CUBN: variants seen among roughly 807,000 people sequenced by gnomAD.
CUBN encodes cubilin.
In CUBN, 282 loss-of-function variants were observed where a neutral mutation model predicts 405.3. That is an observed-to-expected ratio of 0.70 (90% CI 0.63 to 0.77). The LOEUF (loss-of-function observed/expected upper bound fraction) is 0.77, where lower values mean the gene tolerates loss of function less well. CUBN is among the 30% of genes least tolerant of loss of function. The pLI is 0.00. For synonymous variants in CUBN, 1,684 were observed against 1,617.0 expected, an observed-to-expected ratio of 1.04 and a Z score of -0.99; for missense variants, 4,514 against 4,475.2, an observed-to-expected ratio of 1.01 and a Z score of -0.25.
At chr10:17,061,870 T>C (rs1835511838) in intron 22 of CUBN, among the ~76,000 whole-genome samples, 1 of 152,198 alleles carries the variant, frequency 6.6e-6, no homozygotes, top group Admixed American at 6.5e-5. Flanking sequence ...AACCTAGACA[T>C]GGCAAAAGCA....
intron 56 of CUBN, among the ~76,000 whole-genome samples, chr10:16,878,105 C>T (rs375719478): frequency 4.6e-5 from 7 of 152,134 alleles, no homozygotes; most frequent in East Asian, 1.9e-4. Context: ...CTGGGCAACA[C>T]GGCAAAACCC....
intron 51 of CUBN, among the ~76,000 whole-genome samples, chr10:16,901,907 A>ACACACACCATATATAG (rs1207924602): frequency 5.8e-5 from 8 of 138,848 alleles, no homozygotes; most frequent in Non-Finnish European, 9.1e-5. Context: ...ATATATATAT[A>ACACACACCATATATAG]TATATATATA....
rs976521855 is a variant in CUBN, at chr10:16,904,077, G to A, written c.7951C>T (p.Pro2651Ser). ...ACCAATGGCAATGTAGGCTTTGAAGGACCACAAAGTCTCCACATCAGGGGC... is the reference window on the plus strand; with the variant it reads ...ACCAATGGCAATGTAGGCTTTGAAGAACCACAAAGTCTCCACATCAGGGGC... ...DGPLMWRLCGPSKPTLPLVIP... is the reference protein window; with the variant it reads ...DGPLMWRLCGSSKPTLPLVIP... Residue 2651 changes from proline to serine, a missense_variant, in exon 51 of 67, where the codon CCT becomes TCT. By Grantham distance (74) the Pro-to-Ser change is moderately conservative. This residue lies in a region of CUBN where 25 missense variants were observed against 48.5 expected (regional missense o/e 0.52). Transcript: ENST00000377833. The A allele has an allele frequency of 1.3e-5, 21 of 1,613,552 alleles. No homozygotes were observed. Among genetic ancestry groups the A allele is most frequent in the Non-Finnish European group, 1.8e-5 (21 of 1,179,572 alleles).
chr10:16,880,252 A>G (rs1300315068), intron 56 of CUBN, among the ~76,000 whole-genome samples: 1 of 152,078 alleles, frequency 6.6e-6, no homozygotes, highest in Non-Finnish European at 1.5e-5. Flanking sequence ...TGTTTATACA[A>G]CCCCACCATC....
rs147789175 is a variant in CUBN, at chr10:16,883,815, G to C, written c.8905+4602C>G. Among the ~76,000 whole-genome samples the C allele has an allele frequency of 4.4e-3, 664 of 152,236 alleles. 4 individuals are homozygous for C. Among genetic ancestry groups the C allele is most frequent in the Non-Finnish European group, 6.8e-3 (462 of 68,024 alleles). On this transcript the variant is annotated intron_variant, in intron 56 of 66. Transcript: ENST00000377833. ...GGTGTTTCCACCTCACGAGCTAAGC[G>C]CTGCTGCACCCTCCAATGCTTGTCA...
chr10:16,835,266 C>G (rs1588570670), intron 63 of CUBN, 71 bp from the exon 64 acceptor site: 1 of 1,283,714 alleles, frequency 7.8e-7, no homozygotes, highest in East Asian at 2.3e-5. Flanking sequence ...TCACAGGAAT[C>G]ATTCAAAAAG....
chr10:17,047,406 G>A lies in CUBN; in HGVS notation c.3329+8C>T. On this transcript the variant is annotated splice_region_variant and intron_variant, in intron 23 of 66. Transcript: ENST00000377833. Reference sequence around the variant, plus strand: ...AAAGATTATAATGAAATAAATAAAAGTGCTGACCTGATTTCCAGAAAATCT... The same window carrying A: ...AAAGATTATAATGAAATAAATAAAAATGCTGACCTGATTTCCAGAAAATCT... The A allele has an allele frequency of 6.3e-7, 1 of 1,590,272 alleles. No individual in the cohort carries two copies. The highest frequency in any genetic ancestry group is 8.6e-7 in the Non-Finnish European group (1 of 1,158,822).
At position 16,938,980 on chromosome 10, in the gene CUBN, A is replaced by G. The variant is rs186721969; in HGVS notation, c.5716T>C (p.Tyr1906His). 4 of 1,613,562 alleles carry G rather than the reference A, an allele frequency of 2.5e-6. No homozygotes were observed. The Admixed American group carries it at 5.0e-5, about 20-fold the overall frequency. Residue 1906 changes from tyrosine (Y) to histidine (H), a missense_variant, in exon 38 of 67, where the codon TAT becomes CAT. Coordinates refer to ENST00000377833, the MANE Select transcript of CUBN (RefSeq NM_001081.4). The stretch of plus-strand genomic sequence containing the variant: ...AAACTCACCCTTAATTTGTCATAAT[A>G]GCAGTTTTGTATTTCTTCTATGTCC... ...EMDIEEIQNCYYDKLRIYDGP... is the reference protein window; with the variant it reads ...EMDIEEIQNCHYDKLRIYDGP...
intron 31 of CUBN, among the ~76,000 whole-genome samples, chr10:16,972,766 C>G (rs926274902): frequency 6.6e-6 from 1 of 152,026 alleles, no homozygotes; most frequent in Non-Finnish European, 1.5e-5. Flanking sequence ...CCCCCACCAT[C>G]TCTATCACCA....
chr10:16,872,549 AT>A (rs960595825), intron 58 of CUBN, among the ~76,000 whole-genome samples: 2 of 152,130 alleles, frequency 1.3e-5, no homozygotes. Flanking sequence ...TTAGTGTTTT[AT>A]AAGAGGCCCT....
rs1473478311 is a variant in CUBN, at chr10:16,954,531, G to A, written c.4713C>T (p.Ser1571=). ...DSCIMAYDGL[S]STMSRLARTC... ...TCCTGGCAAGGCGGGACATTGTGGA[G>A]CTTAAGCCATCGTATGCCTACAAGA... Residue 1571 remains serine (S), a synonymous_variant, in exon 32 of 67, where the codon AGC becomes AGT. Transcript: ENST00000377833. 2 of 1,613,762 alleles carry A rather than the reference G, an allele frequency of 1.2e-6. No individual in the cohort carries two copies. Among genetic ancestry groups the A allele is most frequent in the East Asian group, 4.5e-5 (2 of 44,874 alleles).
chr10:16,890,454 A>G lies in CUBN; in HGVS notation c.8672T>C (p.Val2891Ala). 1 of 1,614,122 alleles carries G rather than the reference A, an allele frequency of 6.2e-7. No homozygotes were observed. The highest frequency in any genetic ancestry group is 8.5e-7 in the Non-Finnish European group (1 of 1,180,042). The change falls in exon 55 of 67, where the codon GTT becomes GCT. Residue 2891 changes from valine to alanine, a missense_variant. By Grantham distance (64) the Val-to-Ala change is moderately conservative. Transcript: ENST00000377833. ...TGCGNVAPGP[V>A]ITPSNTFTAV... Reference sequence around the variant, plus strand: ...AGTGAATGTGTTACTTGGTGTGATAACGGGACCCGGAGCCACGTTCCCACA... The same window carrying G: ...AGTGAATGTGTTACTTGGTGTGATAGCGGGACCCGGAGCCACGTTCCCACA...
intron 36 of CUBN, among the ~76,000 whole-genome samples, chr10:16,941,828 G>A (rs1230112631): frequency 6.6e-6 from 1 of 152,082 alleles, no homozygotes; most frequent in Admixed American, 6.6e-5. Flanking sequence ...GCAACAGAGT[G>A]AGACTCTGTC....
At chr10:17,072,076 T>C in intron 17 of CUBN, 105 bp from the exon 18 acceptor site, 3 of 863,556 alleles carry the variant, frequency 3.5e-6, no homozygotes, top group Non-Finnish European at 5.6e-6. Flanking sequence ...AAATGAATGA[T>C]AATCCAATTT....
At chr10:16,943,108 C>T (rs142454828) in intron 36 of CUBN, among the ~76,000 whole-genome samples, 1 of 152,136 alleles carries the variant, frequency 6.6e-6, no homozygotes, top group Admixed American at 6.5e-5. Context: ...ATCAATATAC[C>T]AGGCACATCT....
At chr10:17,106,747 G>A (rs1212917753) in intron 10 of CUBN, among the ~76,000 whole-genome samples, 1 of 152,168 alleles carries the variant, frequency 6.6e-6, no homozygotes, top group East Asian at 1.9e-4. Flanking sequence ...CCCCTCGTGT[G>A]TAGGCTGCCT....
intron 6 of CUBN, among the ~76,000 whole-genome samples, chr10:17,118,940 T>G (rs906983990): frequency 1.3e-5 from 2 of 152,230 alleles, no homozygotes; most frequent in Non-Finnish European, 2.9e-5. Context: ...TTCTATGACC[T>G]TTTATTGCCA....
chr10:16,860,010 G>C (rs898876667), intron 59 of CUBN, among the ~76,000 whole-genome samples: 9 of 152,040 alleles, frequency 5.9e-5, no homozygotes, highest in African/African-American at 2.2e-4. Context: ...TATTAAGGTT[G>C]AATACTGTAA....
At chr10:16,829,194 TAC>T (rs1173106840) in intron 65 of CUBN, among the ~76,000 whole-genome samples, 154 bp from the exon 66 acceptor site, 4 of 152,184 alleles carry the variant, frequency 2.6e-5, no homozygotes, top group African/African-American at 9.7e-5. Flanking sequence ...TTCTTTGGGC[TAC>T]ACCCTTTCTC....
Sources: gnomAD v4.1 joint callset for allele counts (sites outside exome capture counted in the v4.1 genomes callset) on GRCh38, gnomAD v4.1.1 for gene constraint, gnomAD v4.1.1 regional missense constraint, MANE v1.5 for transcripts, NCBI Gene and HGNC (gene_info 2026-07-23, HGNC 2026-07-21) for gene names.